PRMT2: variants seen among roughly 807,000 people sequenced by gnomAD.
PRMT2 encodes protein arginine N-methyltransferase 2.
Under a neutral mutation model 57.6 loss-of-function variants are expected in PRMT2, and 26 were observed. The observed-to-expected ratio is 0.45, with a 90% CI of 0.33 to 0.63. PRMT2 has a LOEUF of 0.63. PRMT2 is among the 20% of genes least tolerant of loss of function. PRMT2 has a pLI of 0.02. For synonymous variants in PRMT2, 219 were observed against 220.0 expected (o/e 1.00, Z 0.04); for missense variants, 472 against 564.4 (o/e 0.84, Z 1.66).
At chr21:46,645,124 G>A (rs1471612367) in intron 5 of PRMT2, among the ~76,000 whole-genome samples, 1 of 147,818 alleles carries the variant, frequency 6.8e-6, no homozygotes, top group Non-Finnish European at 1.5e-5. Flanking sequence ...ATAATTAGCT[G>A]GGCATGGTGG....
At chr21:46,651,338 G>A (rs759081515) in intron 7 of PRMT2, among the ~76,000 whole-genome samples, 1 of 152,128 alleles carries the variant, frequency 6.6e-6, no homozygotes, top group African/African-American at 2.4e-5. Flanking sequence ...GCTGGGGGCC[G>A]GGGTAGGGAG....
chr21:46,637,799 A>G (rs922331033), intron 3 of PRMT2, among the ~76,000 whole-genome samples: 4 of 152,002 alleles, frequency 2.6e-5, no homozygotes, highest in African/African-American at 9.7e-5. Context: ...GTATATATAT[A>G]TGTATATGTA....
chr21:46,647,798 G>T (rs563786267), intron 5 of PRMT2, among the ~76,000 whole-genome samples: 1 of 152,310 alleles, frequency 6.6e-6, no homozygotes, highest in South Asian at 2.1e-4. Context: ...TCAGTTACTG[G>T]ACAGTTCCCT....
At chr21:46,660,809 A>T in intron 8 of PRMT2, 24 bp from the exon 9 acceptor site, 1 of 1,612,378 alleles carries the variant, frequency 6.2e-7, no homozygotes, top group African/African-American at 1.3e-5. Context: ...GACTCTCAAC[A>T]GTCGCTTTGA....
At chr21:46,658,691 G>C (rs1158010916) in intron 7 of PRMT2, 54 bp from the exon 8 acceptor site, 11 of 1,591,516 alleles carry the variant, frequency 6.9e-6, no homozygotes, top group Non-Finnish European at 8.6e-6. Flanking sequence ...TGAGAGGCCT[G>C]TGCAGCCGCG....
Position 46,658,803 on chromosome 21 carries a change from G to A in PRMT2, c.713G>A (p.Gly238Glu). The part of the protein sequence containing the change: ...YARDAWLKED[G>E]VIWPTMAALH... Reference sequence around the variant, plus strand: ...CGGGATGCCTGGCTGAAGGAGGACGGGGTCATTTGGCCCACCATGGCTGCG... The same window carrying A: ...CGGGATGCCTGGCTGAAGGAGGACGAGGTCATTTGGCCCACCATGGCTGCG... The change falls in exon 8 of 12, where the codon GGG (glycine) becomes GAG (glutamate). Residue 238 changes from glycine (G) to glutamate (E), a missense_variant. By Grantham distance (98) the Gly-to-Glu change is moderately conservative. Coordinates refer to ENST00000355680, the MANE Select transcript of PRMT2 (RefSeq NM_206962.4). 6.2e-7 allele frequency: 1 copy of A among 1,614,228 alleles called. No homozygotes were observed. The highest frequency in any genetic ancestry group is 8.5e-7 in the Non-Finnish European group (1 of 1,180,042).
At chr21:46,651,977 C>T (rs765072158) in intron 7 of PRMT2, 2 of 1,613,188 alleles carry the variant, frequency 1.2e-6, no homozygotes, top group African/African-American at 1.3e-5. Flanking sequence ...CTCAGGCCTT[C>T]ATCTCTCCTG....
At chr21:46,637,926 C>G (rs939553950) in intron 3 of PRMT2, among the ~76,000 whole-genome samples, 3 of 152,126 alleles carry the variant, frequency 2.0e-5, no homozygotes, top group Admixed American at 6.6e-5. Context: ...TGAATAGCCA[C>G]TGCATTCCAG....
Position 46,648,416 on chromosome 21 carries a change from T to G in PRMT2, c.328-42T>G. On this transcript the variant is annotated intron_variant, in intron 5 of 11. Coordinates refer to ENST00000355680, the MANE Select transcript of PRMT2 (RefSeq NM_206962.4). This position sits in a 1 kb window ranked among gnomAD's most constrained non-coding sequence, Gnocchi z 4.8. ...ATCTCAGTCCAGACCTCAGCATGGCTCTAGGTCACAGGCAGTGATTCTGAA... is the reference window on the plus strand; with the variant it reads ...ATCTCAGTCCAGACCTCAGCATGGCGCTAGGTCACAGGCAGTGATTCTGAA... The G allele has an allele frequency of 6.2e-7, 1 of 1,605,206 alleles. No individual in the cohort carries two copies. The highest frequency in any genetic ancestry group is 8.5e-7 in the Non-Finnish European group (1 of 1,174,132).
rs963730742 is a variant in PRMT2 at position 46,643,757 on chromosome 21, C to T, written c.144+118C>T. The stretch of plus-strand genomic sequence containing the variant: ...GAAGAGGTATTCAGATGCGTAGGGC[C>T]ACACAAGACCTGTGTGTGAAGCTCA... On this transcript the variant is annotated intron_variant, in intron 4 of 11. Coordinates refer to ENST00000355680, the MANE Select transcript of PRMT2 (RefSeq NM_206962.4). 2.0e-5 allele frequency: 24 copies of T among 1,220,722 alleles called. No homozygotes were observed. The South Asian group carries it at 4.3e-4, about 22-fold the overall frequency. The allele number at this position is 1,220,722 out of a possible 1,614,324, so 75.6% of individuals were successfully genotyped here. A position where few individuals can be genotyped will look rare whatever the true frequency, so the allele number is the denominator to read the frequency against.
In PRMT2 at chr21:46,643,492, AG is replaced by A. The variant is rs778552723; in HGVS notation, c.40-42del. 5.6e-6 allele frequency: 8 copies of A among 1,419,058 alleles called. No homozygotes were observed. In the East Asian group the frequency reaches 1.3e-4, roughly 23 times the overall value. 87.9% of individuals were successfully genotyped at this position (1,419,058 alleles called of 1,614,324 possible). ...AATATAGCCAAAAAAAAAAAAAAAA[AG>A]CTCCAGCGTCCTCTCCTCACGCTTT... is the stretch of plus-strand genomic sequence containing the variant. On this transcript the variant is annotated intron_variant, in intron 3 of 11. Coordinates refer to ENST00000355680, the MANE Select transcript of PRMT2 (RefSeq NM_206962.4).
At chr21:46,659,841 A>G in intron 8 of PRMT2, 1 of 985,454 alleles carries the variant, frequency 1.0e-6, no homozygotes, top group South Asian at 4.7e-5. Flanking sequence ...GTGTCTGTTA[A>G]AAAAGAAACC....
At chr21:46,654,124 A>G (rs1435629212) in intron 7 of PRMT2, 9 of 985,462 alleles carry the variant, frequency 9.1e-6, no homozygotes, top group East Asian at 1.1e-4. Flanking sequence ...CCAGGCACCA[A>G]ATTTTTTTGA....
At position 46,651,764 on chromosome 21, in the gene PRMT2, G is replaced by A. The variant is rs758702109; in HGVS notation, c.654+2025G>A. 5 of 1,606,194 alleles carry A rather than the reference G, an allele frequency of 3.1e-6. No individual in the cohort carries two copies. The East Asian group carries it at 8.9e-5, about 29-fold the overall frequency. ...AGGGAGGGAGGGTATGAATCTGGGA[G>A]TCGTTGGTGCGGTTGTACCCACCTT... On this transcript the variant is annotated intron_variant, in intron 7 of 11. Coordinates refer to ENST00000355680, the MANE Select transcript of PRMT2 (RefSeq NM_206962.4).
intron 9 of PRMT2, 181 bp from the exon 10 acceptor site, chr21:46,661,619 C>G (rs1329827575): frequency 5.8e-5 from 28 of 485,262 alleles, no homozygotes; most frequent in Non-Finnish European, 3.2e-6. Context: ...TGAAACGTTT[C>G]TGACTGAAGC....
chr21:46,664,598 A>G lies in PRMT2; in HGVS notation c.*271A>G, dbSNP rs570994561. The stretch of plus-strand genomic sequence containing the variant: ...CCAGGTGTTCACCCGTGGTGCCCAC[A>G]GTGCCGACCCGTGGCTGGGTCGGAG... On this transcript the variant is annotated 3_prime_UTR_variant, in exon 12 of 12. Transcript: ENST00000355680. 62 of 555,380 alleles carry G rather than the reference A, an allele frequency of 1.1e-4. No individual in the cohort carries two copies. The Middle Eastern group carries it at 1.9e-3, about 17-fold the overall frequency. The allele number at this position is 555,380 out of a possible 1,614,324, so 34.4% of individuals were successfully genotyped here.
At chr21:46,642,186 A>G (rs2061288459) in intron 3 of PRMT2, among the ~76,000 whole-genome samples, 1 of 152,194 alleles carries the variant, frequency 6.6e-6, no homozygotes, top group African/African-American at 2.4e-5. Flanking sequence ...TCAGGTTCAC[A>G]TTCAGAGACT....
Position 46,644,294 on chromosome 21 carries a change from T to C in PRMT2, c.145-12T>C, listed in dbSNP as rs2061327777. ...TGGTTTTCTTATTGAATTTTAACTTTTTTTTTTCCAGCTCAGTTTTTTGAG... is the reference window on the plus strand; with the variant it reads ...TGGTTTTCTTATTGAATTTTAACTTCTTTTTTTCCAGCTCAGTTTTTTGAG... On this transcript the variant is annotated splice_polypyrimidine_tract_variant and intron_variant, in intron 4 of 11. Transcript: ENST00000355680. 6.2e-7 allele frequency: 1 copy of C among 1,600,870 alleles called. No individual in the cohort carries two copies.
chr21:46,660,287 G>A, intron 8 of PRMT2: 1 of 530,026 alleles, frequency 1.9e-6, no homozygotes, highest in Non-Finnish European at 2.4e-6. Context: ...CTGTTTCTGT[G>A]TTGAATTTGT....
Sources: gnomAD v4.1 joint callset for allele counts (sites outside exome capture counted in the v4.1 genomes callset) on GRCh38, gnomAD v4.1.1 for gene constraint, Gnocchi (gnomAD v3.1) non-coding constraint, MANE v1.5 for transcripts, NCBI Gene and HGNC (gene_info 2026-07-23, HGNC 2026-07-21) for gene names.